PACS2: variants seen among roughly 807,000 people sequenced by gnomAD.
PACS2 encodes the protein phosphofurin acidic cluster sorting protein 2.
In PACS2, 36 loss-of-function variants were observed where a neutral mutation model predicts 113.0. The ratio of observed to expected loss-of-function variants is 0.32; its 90% CI spans 0.24 to 0.42. The LOEUF is 0.42. Ranked by LOEUF, PACS2 falls within the 10% of genes least tolerant of loss-of-function variation. The pLI is 1.00. For synonymous variants in PACS2, 589 were observed against 536.1 expected (o/e 1.10, Z -1.36); for missense variants, 1,015 against 1,239.5 (o/e 0.82, Z 2.72).
At chr14:105,316,530 TGCTGAACCTCTGCAGCA>T (rs1170953185) in intron 1 of PACS2, among the ~76,000 whole-genome samples, 1 of 152,232 alleles carries the variant, frequency 6.6e-6, no homozygotes, top group Non-Finnish European at 1.5e-5. Flanking sequence ...AGCCTGCCCT[TGCTGAACCTCTGCAGCA>T]GCTTCCTGGG....
intron 2 of PACS2, among the ~76,000 whole-genome samples, chr14:105,351,990 C>T (rs2060197654): frequency 6.6e-6 from 1 of 152,242 alleles, no homozygotes; most frequent in Non-Finnish European, 1.5e-5. Flanking sequence ...AGACCTGTCT[C>T]TCAAAACCAA....
chr14:105,314,179 A>AGGGGGGCGCGAGG (rs1192763722), upstream of PACS2, among the ~76,000 whole-genome samples: 1 of 150,148 alleles, frequency 6.7e-6, no homozygotes, highest in African/African-American at 2.5e-5. Flanking sequence ...GAACCCACGC[A>AGGGGGGCGCGAGG]GGGGGGCGCG....
upstream of PACS2, among the ~76,000 whole-genome samples, chr14:105,313,511 G>A (rs201530963): frequency 6.6e-6 from 1 of 152,218 alleles, no homozygotes; most frequent in East Asian, 1.9e-4. Flanking sequence ...CTGACTTTAA[G>A]CAGTCGCAGC....
upstream of PACS2, chr14:105,314,549 C>T (rs1259791355): frequency 6.8e-6 from 1 of 146,384 alleles, no homozygotes; most frequent in Non-Finnish European, 1.5e-5. Context: ...CCCCGTGAGG[C>T]GCCGCCGGAG....
chr14:105,342,408 C>T (rs1555401795), intron 1 of PACS2, among the ~76,000 whole-genome samples: 1 of 152,054 alleles, frequency 6.6e-6, no homozygotes, highest in East Asian at 2.0e-4. Flanking sequence ...GCTGGGACTG[C>T]AGGTGCGCCC....
At chr14:105,303,854 C>T (rs1273558991) in intron 1 of PACS2, among the ~76,000 whole-genome samples, 1 of 152,222 alleles carries the variant, frequency 6.6e-6, no homozygotes, top group Non-Finnish European at 1.5e-5. Context: ...TATGGCAACA[C>T]TAGCTTGCAG....
rs7492963 is a variant in PACS2, at chr14:105,354,932, G to A, written c.298-120G>A. 5,950 of 976,130 alleles carry A rather than the reference G, an allele frequency of 6.1e-3. 258 individuals are homozygous for A. In the African/African-American group the frequency reaches 0.086, roughly 14 times the overall value. The allele number at this position is 976,130 out of a possible 1,614,324, so 60.5% of individuals were successfully genotyped here. ...GGGGCCCGTCTGTGGGTGCCCTTCCGATCTCATGGGCAGCAGGTTGGCCTG... is the reference window on the plus strand; with the variant it reads ...GGGGCCCGTCTGTGGGTGCCCTTCCAATCTCATGGGCAGCAGGTTGGCCTG... On this transcript the variant is annotated intron_variant, in intron 3 of 24. Transcript: ENST00000447393. This position sits in a 1 kb window ranked among gnomAD's most constrained non-coding sequence, Gnocchi z 4.2.
At chr14:105,360,182 G>T (rs1449698606) in intron 4 of PACS2, among the ~76,000 whole-genome samples, 1 of 152,182 alleles carries the variant, frequency 6.6e-6, no homozygotes. Context: ...TGTTTACACT[G>T]TACTGTAGTC....
intron 11 of PACS2, among the ~76,000 whole-genome samples, chr14:105,380,586 G>A (rs1424277390): frequency 1.5e-5 from 2 of 137,562 alleles, no homozygotes; most frequent in East Asian, 2.2e-4. Flanking sequence ...GGGTCAGGGC[G>A]CCTGGACTCA....
chr14:105,335,101 C>T (rs959980951), intron 1 of PACS2, among the ~76,000 whole-genome samples: 2 of 152,240 alleles, frequency 1.3e-5, no homozygotes, highest in Non-Finnish European at 2.9e-5. Context: ...TGACTGGACC[C>T]AGCCTGGACA....
intron 4 of PACS2, among the ~76,000 whole-genome samples, chr14:105,362,193 C>T (rs113085281): frequency 0.06 from 9,057 of 150,638 alleles, 356 homozygotes; most frequent in South Asian, 0.095. Flanking sequence ...CCACGGTGGG[C>T]GGATCACGAG....
chr14:105,369,482 C>T (rs1453980403), intron 7 of PACS2, among the ~76,000 whole-genome samples: 1 of 152,228 alleles, frequency 6.6e-6, no homozygotes, highest in African/African-American at 2.4e-5. Flanking sequence ...ACTCGCCCAC[C>T]TGCCCACCCC....
chr14:105,394,261 G>C (rs2081470309), intron 24 of PACS2: 4 of 985,216 alleles, frequency 4.1e-6, no homozygotes, highest in Non-Finnish European at 4.8e-6. Context: ...GCGCCTGGCG[G>C]AAGGTGGTGG....
At chr14:105,313,079 C>G (rs1255312374), upstream of PACS2, among the ~76,000 whole-genome samples, 5 of 152,332 alleles carry the variant, frequency 3.3e-5, no homozygotes, top group African/African-American at 1.2e-4. Context: ...CAGCTGGTGC[C>G]AAGCCCTGCT....
In PACS2 at chr14:105,354,010, G is replaced by C. The variant is rs1190057296; in HGVS notation, c.298-1042G>C. On this transcript the variant is annotated intron_variant, in intron 3 of 24. Transcript: ENST00000447393. This position sits in a 1 kb window ranked among gnomAD's most constrained non-coding sequence, Gnocchi z 4.2. ...GTGGCAGGAGAATCGCTTGAACCCG[G>C]GAGGTGGAGGTTGGTTGCAGTGAGC... Among the ~76,000 whole-genome samples the C allele has an allele frequency of 1.3e-5, 2 of 152,060 alleles. No individual in the cohort carries two copies. The highest frequency in any genetic ancestry group is 4.8e-5 in the African/African-American group (2 of 41,426).
chr14:105,326,795 A>C (rs2059126603), intron 1 of PACS2, among the ~76,000 whole-genome samples: 1 of 151,646 alleles, frequency 6.6e-6, no homozygotes, highest in East Asian at 1.9e-4. Context: ...CTCCACGTTC[A>C]CCCTGCGGCC....
chr14:105,363,683 G>A (rs2060816723), intron 4 of PACS2, among the ~76,000 whole-genome samples: 1 of 152,174 alleles, frequency 6.6e-6, no homozygotes, highest in African/African-American at 2.4e-5. Flanking sequence ...TGTGTTCGCT[G>A]GAGCAGCGAT....
rs1398592673 is a variant in PACS2, at chr14:105,340,419, G to A, written c.120-8074G>A. ...TGGTCCCCAACCTTTTTGCCGCCAG[G>A]GACCGGTTTTGTGGAAGACAGTTTT... On this transcript the variant is annotated intron_variant, in intron 1 of 24. Coordinates refer to ENST00000447393, the MANE Select transcript of PACS2 (RefSeq NM_001100913.3). This position sits in a 1 kb window ranked among gnomAD's most constrained non-coding sequence, Gnocchi z 4.2. Among the ~76,000 whole-genome samples the A allele has an allele frequency of 2.0e-5, 3 of 152,200 alleles. No individual in the cohort carries two copies. Among genetic ancestry groups the A allele is most frequent in the Non-Finnish European group, 4.4e-5 (3 of 68,022 alleles).
chr14:105,356,566 T>A lies in PACS2; in HGVS notation c.423+1389T>A, dbSNP rs188704476. ...GGTAGCTCAGGGATGCTCTCTGGGC[T>A]GTGAGAGCCTCCTGGGAGCCACCGC... On this transcript the variant is annotated intron_variant, in intron 4 of 24. Transcript: ENST00000447393. This position sits in a 1 kb window ranked among gnomAD's most constrained non-coding sequence, Gnocchi z 4.0. Among the ~76,000 whole-genome samples the A allele has an allele frequency of 1.3e-5, 2 of 152,172 alleles. No homozygotes were observed. Among genetic ancestry groups the A allele is most frequent in the Non-Finnish European group, 2.9e-5 (2 of 68,012 alleles).
Sources: allele counts gnomAD v4.1 joint callset (sites outside exome capture counted in the v4.1 genomes callset), GRCh38; gene constraint gnomAD v4.1.1; non-coding constraint Gnocchi (gnomAD v3.1); transcripts MANE v1.5; gene names NCBI Gene and HGNC (gene_info 2026-07-23, HGNC 2026-07-21).